Variants in TMTC2 observed in about 807,000 individuals in gnomAD.
TMTC2 encodes the protein transmembrane O-mannosyltransferase targeting cadherins 2, also known as protein O-mannosyl-transferase TMTC2.
In TMTC2, 43 loss-of-function variants were observed where a neutral mutation model predicts 82.4. That is an observed-to-expected ratio of 0.52 (90% CI 0.41 to 0.67). The LOEUF (loss-of-function observed/expected upper bound fraction) is 0.67, where lower values mean the gene tolerates loss of function less well. Among genes scored for constraint, TMTC2 ranks in the 30% least tolerant of loss-of-function variants. The pLI, the probability that TMTC2 is intolerant of heterozygous loss-of-function variation, is 0.00. For missense variants in TMTC2, 919 were observed against 1,012.4 expected (o/e 0.91, Z 1.25); for synonymous variants, 408 against 381.9 (o/e 1.07, Z -0.80).
At chr12:82,705,066 T>C (rs1192136721) in intron 1 of TMTC2, among the ~76,000 whole-genome samples, 1 of 152,222 alleles carries the variant, frequency 6.6e-6, no homozygotes, top group Non-Finnish European at 1.5e-5. Flanking sequence ...GAGACTGTTA[T>C]TCTAAGTGAA....
chr12:83,120,153 G>A (rs776583707), intron 11 of TMTC2, among the ~76,000 whole-genome samples: 40 of 152,240 alleles, frequency 2.6e-4, no homozygotes, highest in Admixed American at 1.2e-3. Flanking sequence ...TGAGACATGA[G>A]GTACCATTTC....
chr12:82,800,182 G>A (rs1878925040), intron 1 of TMTC2, among the ~76,000 whole-genome samples: 1 of 152,064 alleles, frequency 6.6e-6, no homozygotes, highest in South Asian at 2.1e-4. Flanking sequence ...ATTGCTTGCA[G>A]AATAAATGAG....
At chr12:83,114,198 G>A (rs922681999) in intron 11 of TMTC2, among the ~76,000 whole-genome samples, 3 of 152,132 alleles carry the variant, frequency 2.0e-5, no homozygotes, top group African/African-American at 7.2e-5. Context: ...GGGCCTTTGG[G>A]AGGTAATTAG....
intron 11 of TMTC2, among the ~76,000 whole-genome samples, chr12:83,131,172 T>C (rs910616264): frequency 9.9e-5 from 15 of 152,264 alleles, no homozygotes; most frequent in African/African-American, 2.7e-4. Flanking sequence ...ATAAACACTT[T>C]AATTTTATCT....
intron 1 of TMTC2, among the ~76,000 whole-genome samples, chr12:82,719,683 T>C (rs1166173939): frequency 6.6e-6 from 1 of 150,528 alleles, no homozygotes; most frequent in East Asian, 2.0e-4. Flanking sequence ...TTTTTTTTTT[T>C]TTTTTCGTAA....
At chr12:83,065,606 A>C (rs774670169) in intron 11 of TMTC2, among the ~76,000 whole-genome samples, 5 of 151,868 alleles carry the variant, frequency 3.3e-5, no homozygotes, top group Non-Finnish European at 5.9e-5. Flanking sequence ...TCCTTACCGA[A>C]ATTGCCATTT....
chr12:83,069,879 A>G (rs1317231899), intron 11 of TMTC2, among the ~76,000 whole-genome samples: 1 of 152,046 alleles, frequency 6.6e-6, no homozygotes, highest in Non-Finnish European at 1.5e-5. Flanking sequence ...GGTGAGAGAT[A>G]AGGATCCAGT....
intron 1 of TMTC2, among the ~76,000 whole-genome samples, chr12:82,790,656 T>C (rs1478164118): frequency 6.6e-6 from 1 of 151,330 alleles, no homozygotes; most frequent in Non-Finnish European, 1.5e-5. Flanking sequence ...TGAAACCCCG[T>C]CTCTACTAAA....
At chr12:82,919,124 C>G (rs777323704) in intron 3 of TMTC2, among the ~76,000 whole-genome samples, 1 of 152,102 alleles carries the variant, frequency 6.6e-6, no homozygotes, top group African/African-American at 2.4e-5. Flanking sequence ...CTGGGAAGTC[C>G]AAGAGTATTG....
intron 4 of TMTC2, among the ~76,000 whole-genome samples, chr12:82,961,176 A>G (rs1877908101): frequency 6.7e-6 from 1 of 148,184 alleles, no homozygotes; most frequent in Non-Finnish European, 1.5e-5. Context: ...TAAGTGCTGA[A>G]TAAGTTTCTC....
intron 4 of TMTC2, among the ~76,000 whole-genome samples, chr12:82,949,211 A>G (rs1384896808): frequency 6.6e-6 from 1 of 152,224 alleles, no homozygotes; most frequent in Non-Finnish European, 1.5e-5. Flanking sequence ...TTAGACGTCC[A>G]TGTTGGATAG....
At chr12:82,997,778 GA>G (rs992195953) in intron 8 of TMTC2, among the ~76,000 whole-genome samples, 4 of 149,088 alleles carry the variant, frequency 2.7e-5, no homozygotes, top group South Asian at 2.1e-4. Flanking sequence ...GATGTCCTTT[GA>G]AAAAAAAATC....
chr12:82,711,322 T>G (rs2136913483), intron 1 of TMTC2, among the ~76,000 whole-genome samples: 1 of 152,128 alleles, frequency 6.6e-6, no homozygotes, highest in South Asian at 2.1e-4. Flanking sequence ...TTGTTTGGGG[T>G]TTTGGTAAAT....
intron 3 of TMTC2, among the ~76,000 whole-genome samples, chr12:82,898,951 C>A (rs776347025): frequency 3.3e-5 from 5 of 152,146 alleles, no homozygotes; most frequent in African/African-American, 2.4e-5. Context: ...TAGGTATTTT[C>A]CAGCATTAGC....
chr12:83,033,805 C>CGT (rs1555207118), intron 9 of TMTC2, among the ~76,000 whole-genome samples: 4,742 of 137,194 alleles, frequency 0.035, 130 homozygotes, highest in Non-Finnish European at 0.045. Context: ...TATATATACA[C>CGT]ATATATGTGT....
intron 11 of TMTC2, among the ~76,000 whole-genome samples, chr12:83,069,383 G>A (rs555373207): frequency 6.6e-6 from 1 of 152,180 alleles, no homozygotes; most frequent in East Asian, 1.9e-4. Flanking sequence ...CTTGATTATG[G>A]CCATTCTTGC....
chr12:82,763,421 G>A (rs10506880), intron 1 of TMTC2, among the ~76,000 whole-genome samples: 4,120 of 152,264 alleles, frequency 0.027, 198 homozygotes, highest in African/African-American at 0.093. Flanking sequence ...TGCTATCCAG[G>A]ACTGTCCACT....
intron 1 of TMTC2, among the ~76,000 whole-genome samples, chr12:82,817,052 C>T (rs1868782860): frequency 6.6e-6 from 1 of 150,906 alleles, no homozygotes; most frequent in Admixed American, 6.6e-5. Flanking sequence ...ACTGTAACCT[C>T]CGCCTCCTGG....
chr12:82,899,090 T>C (rs1873828495), intron 3 of TMTC2, among the ~76,000 whole-genome samples: 1 of 152,184 alleles, frequency 6.6e-6, no homozygotes, highest in Non-Finnish European at 1.5e-5. Flanking sequence ...GTTTCCAACA[T>C]TTTCAGGTGT....
Sources: allele counts gnomAD v4.1 joint callset (sites outside exome capture counted in the v4.1 genomes callset), GRCh38; gene constraint gnomAD v4.1.1; transcripts MANE v1.5; gene names NCBI Gene and HGNC (gene_info 2026-07-23, HGNC 2026-07-21).